IPO13: variants seen among roughly 807,000 people sequenced by gnomAD.
IPO13 encodes importin 13, also known as importin-13.
Under a neutral mutation model 115.5 loss-of-function variants are expected in IPO13, and 28 were observed. That is an observed-to-expected ratio of 0.24 (90% CI 0.18 to 0.33). The LOEUF (loss-of-function observed/expected upper bound fraction) is 0.33, where lower values mean the gene tolerates loss of function less well. Ranked by LOEUF, IPO13 falls within the 10% of genes least tolerant of loss-of-function variation. The pLI is 1.00. For missense variants in IPO13, 785 were observed against 1,204.6 expected, an observed-to-expected ratio of 0.65 and a Z score of 5.16; for synonymous variants, 414 against 478.9, an observed-to-expected ratio of 0.86 and a Z score of 1.77.
chr1:43,956,409 C>T lies in IPO13; in HGVS notation c.911C>T (p.Thr304Ile), dbSNP rs376746770. The change falls in exon 3 of 20, where the codon ACC becomes ATC. Residue 304 changes from threonine (T) to isoleucine (I), a missense_variant. Physicochemically the swap from Thr to Ile is moderately conservative, Grantham distance 89. Transcript: ENST00000372343. This position sits in a 1 kb window ranked among gnomAD's most constrained non-coding sequence, Gnocchi z 4.7. ...GCAGTGCAGAATGGGGACATGGAGACCTCCCATGGCATCTGTCGCATCGCT... is the reference window on the plus strand; with the variant it reads ...GCAGTGCAGAATGGGGACATGGAGATCTCCCATGGCATCTGTCGCATCGCT... ...RQAVQNGDME[T>I]SHGICRIAVA... 75 of 1,614,168 alleles carry T rather than the reference C, an allele frequency of 4.6e-5. No homozygotes were observed. In the African/African-American group the frequency reaches 8.0e-4, roughly 17 times the overall value.
In IPO13 at chr1:43,960,866, T is replaced by A; in HGVS notation, c.2110-10T>A. The A allele has an allele frequency of 6.2e-7, 1 of 1,613,998 alleles. No homozygotes were observed. The highest frequency in any genetic ancestry group is 1.1e-5 in the South Asian group (1 of 91,092). ...CCTGCTGACCAGGGCCCCTTTGCTTTCTTCCCAAGGCGGTGTGCGCTATCT... is the reference window on the plus strand; with the variant it reads ...CCTGCTGACCAGGGCCCCTTTGCTTACTTCCCAAGGCGGTGTGCGCTATCT... On this transcript the variant is annotated splice_polypyrimidine_tract_variant and intron_variant, in intron 12 of 19. Transcript: ENST00000372343.
At chr1:43,960,185 G>T in intron 11 of IPO13, 64 bp from the exon 12 acceptor site, 1 of 1,510,264 alleles carries the variant, frequency 6.6e-7, no homozygotes, top group Non-Finnish European at 9.2e-7. Flanking sequence ...CTGCCACCAA[G>T]TCCTCCTCAA....
At chr1:43,957,676 C>T (rs923412137) in intron 7 of IPO13, 127 bp downstream of exon 7, 3 of 1,199,876 alleles carry the variant, frequency 2.5e-6, no homozygotes, top group African/African-American at 3.0e-5. Context: ...AGTGTTGTAA[C>T]AAACTGACTG....
At chr1:43,957,025 A>C in intron 5 of IPO13, 49 bp downstream of exon 5, 1 of 1,595,620 alleles carries the variant, frequency 6.3e-7, no homozygotes, top group Non-Finnish European at 8.5e-7. Flanking sequence ...GAAATAATGA[A>C]GGCAATGAGG....
At chr1:43,954,995 A>G (rs541872100) in intron 2 of IPO13, among the ~76,000 whole-genome samples, 1 of 151,992 alleles carries the variant, frequency 6.6e-6, no homozygotes, top group Non-Finnish European at 1.5e-5. Flanking sequence ...GTTCCCCGCT[A>G]CTCACCCCAC....
At chr1:43,957,646 C>A in intron 7 of IPO13, 97 bp downstream of exon 7, 1 of 1,425,716 alleles carries the variant, frequency 7.0e-7, no homozygotes, top group Non-Finnish European at 9.7e-7. Flanking sequence ...AATGGGAGAG[C>A]CACATGCCTA....
chr1:43,965,708 T>C (rs1266108754), intron 15 of IPO13, among the ~76,000 whole-genome samples: 3 of 146,776 alleles, frequency 2.0e-5, no homozygotes, highest in African/African-American at 7.7e-5. Context: ...GAGAAGTGTG[T>C]AAGGAGGGCA....
At chr1:43,948,652 C>T (rs1202305402) in intron 1 of IPO13, among the ~76,000 whole-genome samples, 8 of 152,238 alleles carry the variant, frequency 5.3e-5, no homozygotes, top group African/African-American at 2.4e-5. Context: ...CCCCTTGGAG[C>T]AGGGCAGTGT....
Position 43,966,234 on chromosome 1 carries a change from C to CA in IPO13, c.2398-340dup, listed in dbSNP as rs1172623007. On this transcript the variant is annotated intron_variant, in intron 15 of 19. Coordinates refer to ENST00000372343, the MANE Select transcript of IPO13 (RefSeq NM_014652.4). The surrounding 1 kb of genome is among the most constrained non-coding windows in gnomAD (Gnocchi z 4.1). Reference sequence around the variant, plus strand: ...CTCCCTCTGTGAATCAACATGAAGTCACTGCTGGCAACCTAGAGCCTGCGA... The same window carrying CA: ...CTCCCTCTGTGAATCAACATGAAGTCAACTGCTGGCAACCTAGAGCCTGCGA... 2.4e-5 allele frequency: 10 copies of CA among 422,252 alleles called. No individual in the cohort carries two copies. The highest frequency in any genetic ancestry group is 4.0e-5 in the Non-Finnish European group (9 of 225,576). The allele number at this position is 422,252 out of a possible 1,614,324, so 26.2% of individuals were successfully genotyped here. A position where few individuals can be genotyped will look rare whatever the true frequency, so the allele number is the denominator to read the frequency against.
At chr1:43,948,089 C>T (rs1027723157) in intron 1 of IPO13, among the ~76,000 whole-genome samples, 1 of 152,218 alleles carries the variant, frequency 6.6e-6, no homozygotes, top group African/African-American at 2.4e-5. Flanking sequence ...GCCAAGGGCT[C>T]AGAAAATAAT....
intron 2 of IPO13, 60 bp downstream of exon 2, chr1:43,950,213 T>G: frequency 1.3e-6 from 2 of 1,530,572 alleles, no homozygotes; most frequent in Non-Finnish European, 1.8e-6. Context: ...CATCCATCCA[T>G]CCATCTGTTC....
Position 43,952,467 on chromosome 1 carries a change from G to A in IPO13, c.821+2314G>A, listed in dbSNP as rs2085216259. Among the ~76,000 whole-genome samples, 1 of 152,136 alleles carries A rather than the reference G, an allele frequency of 6.6e-6. No homozygotes were observed. The highest frequency in any genetic ancestry group is 2.1e-4 in the South Asian group (1 of 4,830). The stretch of plus-strand genomic sequence containing the variant: ...TTACAGGTATGAGCCACCATGCCTG[G>A]CCAACTGTTCATTTTTTTAAAGAGA... On this transcript the variant is annotated intron_variant, in intron 2 of 19. Coordinates refer to ENST00000372343, the MANE Select transcript of IPO13 (RefSeq NM_014652.4). The surrounding 1 kb of genome is among the most constrained non-coding windows in gnomAD (Gnocchi z 4.7).
Position 43,958,708 on chromosome 1 carries a change from G to A in IPO13, c.1885-38G>A. On this transcript the variant is annotated intron_variant, in intron 10 of 19. Transcript: ENST00000372343. The surrounding 1 kb of genome is among the most constrained non-coding windows in gnomAD (Gnocchi z 6.3). ...TCAGTGATCTGGGGACCAAACTGGG[G>A]CTGGGAGATCTGGAGCTTGGTTTGC... The A allele has an allele frequency of 2.5e-6, 4 of 1,613,656 alleles. No homozygotes were observed. Among genetic ancestry groups the A allele is most frequent in the Non-Finnish European group, 3.4e-6 (4 of 1,179,632 alleles).
chr1:43,953,067 G>T (rs1306647018), intron 2 of IPO13: 2 of 152,244 alleles, frequency 1.3e-5, no homozygotes, highest in African/African-American at 4.8e-5. Context: ...AGTCTCAAGG[G>T]CTTTGGCAGG....
Position 43,966,275 on chromosome 1 carries a change from T to C in IPO13, c.2398-300T>C. 1 of 500,598 alleles carries C rather than the reference T, an allele frequency of 2.0e-6. No homozygotes were observed. The highest frequency in any genetic ancestry group is 2.1e-5 in the South Asian group (1 of 47,478). 31.0% of individuals were successfully genotyped at this position (500,598 alleles called of 1,614,324 possible). A position where few individuals can be genotyped will look rare whatever the true frequency, so the allele number is the denominator to read the frequency against. On this transcript the variant is annotated intron_variant, in intron 15 of 19. Transcript: ENST00000372343. The surrounding 1 kb of genome is among the most constrained non-coding windows in gnomAD (Gnocchi z 4.1). ...GAGCCTGCGAGACATCTGGCCCTGATGGAGGGGGAGGGAAAGGTGTCTGGA... is the reference window on the plus strand; with the variant it reads ...GAGCCTGCGAGACATCTGGCCCTGACGGAGGGGGAGGGAAAGGTGTCTGGA...
chr1:43,960,689 C>G (rs2085283333), intron 12 of IPO13, among the ~76,000 whole-genome samples, 187 bp from the exon 13 acceptor site: 1 of 152,214 alleles, frequency 6.6e-6, no homozygotes, highest in African/African-American at 2.4e-5. Flanking sequence ...TCCTGTGCCC[C>G]TCAGTGAAGG....
chr1:43,961,290 T>C (rs1404395831), intron 14 of IPO13, 28 bp downstream of exon 14: 1 of 1,543,932 alleles, frequency 6.5e-7, no homozygotes, highest in Non-Finnish European at 9.0e-7. Flanking sequence ...TCTCTGCTGC[T>C]GCTGCCACTG....
Position 43,958,362 on chromosome 1 carries a change from T to G in IPO13, c.1749+94T>G. The G allele has an allele frequency of 6.2e-7, 1 of 1,607,876 alleles. No homozygotes were observed. The stretch of plus-strand genomic sequence containing the variant: ...TTTTTTGGCCTTCCCCTTCCTCTTA[T>G]CCCTTATTCTCTGTTTTTCTTCTCC... On this transcript the variant is annotated intron_variant, in intron 9 of 19. Coordinates refer to ENST00000372343, the MANE Select transcript of IPO13 (RefSeq NM_014652.4). The surrounding 1 kb of genome is among the most constrained non-coding windows in gnomAD (Gnocchi z 6.3).
chr1:43,963,964 C>T (rs1307689444), intron 14 of IPO13, among the ~76,000 whole-genome samples: 1 of 152,170 alleles, frequency 6.6e-6, no homozygotes, highest in Admixed American at 6.5e-5. Context: ...GTTTCTTCAG[C>T]TATATGGAGT....
Sources: gnomAD v4.1 joint callset for allele counts (sites outside exome capture counted in the v4.1 genomes callset) on GRCh38, gnomAD v4.1.1 for gene constraint, Gnocchi (gnomAD v3.1) non-coding constraint, MANE v1.5 for transcripts, NCBI Gene and HGNC (gene_info 2026-07-23, HGNC 2026-07-21) for gene names.